IQCM: variants seen among roughly 807,000 people sequenced by gnomAD.
IQCM encodes the protein IQ domain-containing protein M.
Under a neutral mutation model 57.6 loss-of-function variants are expected in IQCM, and 45 were observed. The observed-to-expected ratio is 0.78, with a 90% CI of 0.62 to 1.00. The LOEUF (loss-of-function observed/expected upper bound fraction) is 1.00, where lower values mean the gene tolerates loss of function less well. Ranked by LOEUF, IQCM falls within the 50% of genes least tolerant of loss-of-function variation. The pLI is 0.00. For missense variants in IQCM, 468 were observed against 511.6 expected, an observed-to-expected ratio of 0.91 and a Z score of 0.82; for synonymous variants, 148 against 158.9, an observed-to-expected ratio of 0.93 and a Z score of 0.51.
chr4:149,424,252 T>A (rs1172985749), intron 13 of IQCM, among the ~76,000 whole-genome samples: 1 of 151,818 alleles, frequency 6.6e-6, no homozygotes, highest in Non-Finnish European at 1.5e-5. Flanking sequence ...AATGGCCTCA[T>A]TTCTCCTTTT....
At chr4:149,425,746 C>A (rs1734422635) in intron 13 of IQCM, among the ~76,000 whole-genome samples, 2 of 151,930 alleles carry the variant, frequency 1.3e-5, no homozygotes. Flanking sequence ...TAAGCCCAGT[C>A]AAACTGACAA....
intron 5 of IQCM, among the ~76,000 whole-genome samples, chr4:149,709,382 T>C (rs1764390760): frequency 6.6e-6 from 1 of 152,098 alleles, no homozygotes; most frequent in African/African-American, 2.4e-5. Context: ...ACCAAAGCAC[T>C]TTGTGCCTGC....
chr4:149,548,576 C>T lies in IQCM; in HGVS notation c.1107G>A (p.Met369Ile). 1 of 1,223,896 alleles carries T rather than the reference C, an allele frequency of 8.2e-7. No individual in the cohort carries two copies. The highest frequency in any genetic ancestry group is 1.0e-6 in the Non-Finnish European group (1 of 980,586). The allele number at this position is 1,223,896 out of a possible 1,614,324, so 75.8% of individuals were successfully genotyped here. The change falls in exon 12 of 14, where the codon ATG becomes ATA. Residue 369 changes from methionine to isoleucine, a missense_variant. Coordinates refer to ENST00000636793, the MANE Select transcript of IQCM (RefSeq NM_001363507.2). ...WMDRKKFYEIMFAKREDWPKI... is the reference protein window; with the variant it reads ...WMDRKKFYEIIFAKREDWPKI... The stretch of plus-strand genomic sequence containing the variant: ...TTGGCCAATCTTCCCTCTTAGCAAA[C>T]ATTATTTCATAGACTAAAAGGACAA...
intron 7 of IQCM, among the ~76,000 whole-genome samples, chr4:149,668,733 A>G (rs1266196803): frequency 6.6e-6 from 1 of 152,210 alleles, no homozygotes; most frequent in East Asian, 1.9e-4. Flanking sequence ...AGGACTTCAA[A>G]GAAAGTGTTT....
At chr4:149,727,085 T>A (rs1766016263) in intron 5 of IQCM, among the ~76,000 whole-genome samples, 1 of 152,158 alleles carries the variant, frequency 6.6e-6, no homozygotes, top group African/African-American at 2.4e-5. Flanking sequence ...TACCTGTTTC[T>A]TTTTACTGTT....
intron 12 of IQCM, among the ~76,000 whole-genome samples, chr4:149,533,595 C>T (rs1402565422): frequency 6.6e-6 from 1 of 151,976 alleles, no homozygotes; most frequent in African/African-American, 2.4e-5. Flanking sequence ...GACAGGGAAG[C>T]CTCACAGTCA....
At chr4:149,663,798 C>T (rs2150159676) in intron 7 of IQCM, among the ~76,000 whole-genome samples, 1 of 152,156 alleles carries the variant, frequency 6.6e-6, no homozygotes, top group South Asian at 2.1e-4. Context: ...TTATAAAGTA[C>T]ATCAGAGAAG....
Position 149,530,832 on chromosome 4 carries a change from C to T in IQCM, c.1228+17623G>A, listed in dbSNP as rs557178481. Among the ~76,000 whole-genome samples the T allele has an allele frequency of 3.1e-4, 39 of 124,250 alleles. 1 individual carries two copies. Among genetic ancestry groups the T allele is most frequent in the African/African-American group, 1.0e-3 (33 of 33,050 alleles). 81.5% of individuals were successfully genotyped at this position (124,250 alleles called of 152,430 possible). ...CCCCCCCACATACACACACTAATTG[C>T]GTTCAGTTAACATCATAGCCTATTT... is the stretch of plus-strand genomic sequence containing the variant. On this transcript the variant is annotated intron_variant, in intron 12 of 13. Coordinates refer to ENST00000636793, the MANE Select transcript of IQCM (RefSeq NM_001363507.2).
intron 7 of IQCM, among the ~76,000 whole-genome samples, chr4:149,648,906 G>GA (rs574636429): frequency 2.6e-5 from 4 of 151,074 alleles, no homozygotes; most frequent in Admixed American, 1.3e-4. Context: ...ATAAAAAAAA[G>GA]AAAAAAAAGA....
rs763524716 is a variant in IQCM at position 149,605,221 on chromosome 4, A to G, written c.681+15908T>C. On this transcript the variant is annotated intron_variant, in intron 8 of 13. Coordinates refer to ENST00000636793, the MANE Select transcript of IQCM (RefSeq NM_001363507.2). ...GAATGTGAAGTGGCCTCCAAAAGCAAAAAGTCAATGGCCTTTTATAATAAA... is the reference window on the plus strand; with the variant it reads ...GAATGTGAAGTGGCCTCCAAAAGCAGAAAGTCAATGGCCTTTTATAATAAA... Among the ~76,000 whole-genome samples the G allele has an allele frequency of 6.4e-4, 97 of 152,334 alleles. 1 individual carries two copies. Among genetic ancestry groups the G allele is most frequent in the Admixed American group, 2.0e-3 (31 of 15,300 alleles).
chr4:149,587,285 G>A (rs1752728831), intron 9 of IQCM, among the ~76,000 whole-genome samples: 1 of 151,702 alleles, frequency 6.6e-6, no homozygotes, highest in Non-Finnish European at 1.5e-5. Context: ...TCACTCTCCA[G>A]TGCCTTCAAA....
At chr4:149,521,327 C>T (rs886809454) in intron 12 of IQCM, among the ~76,000 whole-genome samples, 2 of 151,654 alleles carry the variant, frequency 1.3e-5, no homozygotes, top group Non-Finnish European at 2.9e-5. Context: ...GCAAGGTAAG[C>T]GGAAGGGAGG....
chr4:149,740,494 C>T (rs534403474), intron 3 of IQCM, among the ~76,000 whole-genome samples: 14 of 152,088 alleles, frequency 9.2e-5, no homozygotes, highest in Non-Finnish European at 1.5e-4. Context: ...ACCAACACCC[C>T]CTACCGCTAG....
At chr4:149,693,328 T>C (rs1481340218) in intron 5 of IQCM, among the ~76,000 whole-genome samples, 1 of 152,188 alleles carries the variant, frequency 6.6e-6, no homozygotes, top group African/African-American at 2.4e-5. Context: ...TGTGCACAAA[T>C]CCATATATCT....
chr4:149,668,419 T>G (rs1760930741), intron 7 of IQCM, among the ~76,000 whole-genome samples: 1 of 152,138 alleles, frequency 6.6e-6, no homozygotes, highest in Admixed American at 6.5e-5. Context: ...CAAGAGCTCC[T>G]GAAGGAAGCA....
At chr4:149,644,661 G>A (rs551317934) in intron 7 of IQCM, among the ~76,000 whole-genome samples, 2 of 152,216 alleles carry the variant, frequency 1.3e-5, no homozygotes, top group Admixed American at 1.3e-4. Flanking sequence ...TCATCCTGGG[G>A]TACAAATGCA....
chr4:149,783,394 C>T (rs778313486), intron 2 of IQCM, among the ~76,000 whole-genome samples: 7 of 152,114 alleles, frequency 4.6e-5, no homozygotes, highest in Non-Finnish European at 8.8e-5. Flanking sequence ...TTCTTATTAC[C>T]TTCTCCATTA....
At chr4:149,659,329 G>A (rs192633827) in intron 7 of IQCM, among the ~76,000 whole-genome samples, 1 of 152,216 alleles carries the variant, frequency 6.6e-6, no homozygotes, top group East Asian at 1.9e-4. Flanking sequence ...TGAAATAAAA[G>A]AGGATACAAA....
At chr4:149,565,936 T>C (rs909685868) in intron 9 of IQCM, among the ~76,000 whole-genome samples, 5 of 152,204 alleles carry the variant, frequency 3.3e-5, no homozygotes, top group Admixed American at 3.3e-4. Flanking sequence ...TATAAATTAC[T>C]GAGCCAAATA....
Sources: gnomAD v4.1 joint callset for allele counts (sites outside exome capture counted in the v4.1 genomes callset) on GRCh38, gnomAD v4.1.1 for gene constraint, MANE v1.5 for transcripts, NCBI Gene and HGNC (gene_info 2026-07-23, HGNC 2026-07-21) for gene names.